Variants in TMC1 observed in about 807,000 individuals in gnomAD.
The protein encoded by TMC1 is transmembrane channel-like protein 1.
TMC1 carries 84 observed loss-of-function variants against 105.8 expected under a neutral mutation model. The ratio of observed to expected loss-of-function variants is 0.79; its 90% CI spans 0.67 to 0.95. TMC1 has a LOEUF of 0.95. Ranked by LOEUF, TMC1 falls within the 40% of genes least tolerant of loss-of-function variation. The pLI, the probability that TMC1 is intolerant of heterozygous loss-of-function variation, is 0.00. For missense variants in TMC1, 817 were observed against 914.1 expected (o/e 0.89, Z 1.37); for synonymous variants, 315 against 311.5 (o/e 1.01, Z -0.12).
At chr9:72,614,687 T>C (rs945482959) in intron 2 of TMC1, among the ~76,000 whole-genome samples, 1 of 152,192 alleles carries the variant, frequency 6.6e-6, no homozygotes, top group African/African-American at 2.4e-5. Context: ...GATAACTTTT[T>C]CTTCCCCCTT....
In TMC1 at chr9:72,816,651, A is replaced by G. The variant is rs572685637; in HGVS notation, c.1763+441A>G. On this transcript the variant is annotated intron_variant, in intron 19 of 23. Coordinates refer to ENST00000297784, the MANE Select transcript of TMC1 (RefSeq NM_138691.3). ...TAGCTACTTTTAAAAATAATACCTT[A>G]TCAAATCCAATAGTTTATCGAGATG... 2.0e-5 allele frequency among the ~76,000 whole-genome samples: 3 copies of G among 152,332 alleles called. No individual in the cohort carries two copies. In the East Asian group the frequency reaches 5.8e-4, roughly 29 times the overall value.
rs1827946878 is a variant in TMC1, at chr9:72,772,538, T to TCAATACG, written c.868_869insAATACGC (p.Leu290GlnfsTer15). The TCAATACG allele has an allele frequency of 1.9e-6, 3 of 1,613,790 alleles. No individual in the cohort carries two copies. The highest frequency in any genetic ancestry group is 2.5e-6 in the Non-Finnish European group (3 of 1,179,818). On this transcript the variant is annotated frameshift_variant, in exon 13 of 24. Transcript: ENST00000297784. LOFTEE classifies it high-confidence loss of function. ...GGATTATGTGCATTGGATACAGCTT[T>TCAATACG]CTGGTTGTCCTCAAAGCGTAAGTTT...
At chr9:72,574,670 A>T (rs1216802336) in intron 1 of TMC1, among the ~76,000 whole-genome samples, 1 of 152,248 alleles carries the variant, frequency 6.6e-6, no homozygotes, top group Non-Finnish European at 1.5e-5. Context: ...CTTAAGGTCG[A>T]TAATGGTTAC....
At chr9:72,662,754 A>G (rs1227763916) in intron 5 of TMC1, among the ~76,000 whole-genome samples, 1 of 152,242 alleles carries the variant, frequency 6.6e-6, no homozygotes, top group African/African-American at 2.4e-5. Context: ...TATCTTAGCC[A>G]TAAAACACTT....
chr9:72,633,557 C>T (rs1825484022), intron 4 of TMC1, among the ~76,000 whole-genome samples: 1 of 152,100 alleles, frequency 6.6e-6, no homozygotes, highest in African/African-American at 2.4e-5. Context: ...TTGATTTTGA[C>T]CTTAATTTTC....
chr9:72,698,072 G>A (rs1334016260), intron 7 of TMC1, among the ~76,000 whole-genome samples: 1 of 151,778 alleles, frequency 6.6e-6, no homozygotes, highest in Admixed American at 6.6e-5. Flanking sequence ...TATAGATAGA[G>A]TAAAAAAAAT....
At chr9:72,760,054 A>G (rs990367813) in intron 12 of TMC1, among the ~76,000 whole-genome samples, 2 of 151,946 alleles carry the variant, frequency 1.3e-5, no homozygotes, top group Admixed American at 6.6e-5. Context: ...GAGAGCTTTC[A>G]TGTTTTTTTT....
intron 8 of TMC1, among the ~76,000 whole-genome samples, chr9:72,714,278 G>T (rs968453664): frequency 6.1e-4 from 93 of 152,280 alleles, no homozygotes; most frequent in African/African-American, 2.2e-3. Flanking sequence ...TATCCATTAG[G>T]TCTGCTTGGC....
chr9:72,789,678 C>G (rs535979294), intron 15 of TMC1, among the ~76,000 whole-genome samples: 13 of 152,194 alleles, frequency 8.5e-5, no homozygotes, highest in Non-Finnish European at 1.9e-4. Context: ...ATCTTGACTT[C>G]GAGTCCAAGG....
At chr9:72,803,672 C>T (rs1158319020) in intron 17 of TMC1, among the ~76,000 whole-genome samples, 2 of 152,098 alleles carry the variant, frequency 1.3e-5, no homozygotes, top group Non-Finnish European at 2.9e-5. Flanking sequence ...CAAATCAAAA[C>T]CACAATGAGA....
chr9:72,660,550 A>G (rs1334268257), intron 5 of TMC1, among the ~76,000 whole-genome samples: 1 of 152,168 alleles, frequency 6.6e-6, no homozygotes, highest in Non-Finnish European at 1.5e-5. Context: ...AGCATTCCAG[A>G]GTTTCTCAGA....
intron 10 of TMC1, among the ~76,000 whole-genome samples, chr9:72,750,346 A>G (rs1417669913): frequency 6.6e-6 from 1 of 152,224 alleles, no homozygotes; most frequent in Non-Finnish European, 1.5e-5. Flanking sequence ...GGGCTGATGC[A>G]GCCAGGGACT....
chr9:72,696,425 G>T (rs1470918627), intron 7 of TMC1, among the ~76,000 whole-genome samples: 1 of 152,130 alleles, frequency 6.6e-6, no homozygotes, highest in African/African-American at 2.4e-5. Context: ...TGTGATTATT[G>T]ATAGTTCTGT....
intron 7 of TMC1, among the ~76,000 whole-genome samples, chr9:72,698,700 T>C (rs924592718): frequency 2.0e-5 from 3 of 151,976 alleles, no homozygotes; most frequent in Admixed American, 6.6e-5. Flanking sequence ...GGAGGAACAA[T>C]GGAAAGGGTT....
chr9:72,630,467 T>G (rs954650106), intron 4 of TMC1, among the ~76,000 whole-genome samples: 2 of 152,238 alleles, frequency 1.3e-5, no homozygotes, highest in African/African-American at 4.8e-5. Context: ...TTTGGTACTT[T>G]ATAATAGGAA....
chr9:72,773,302 C>A (rs935378356), intron 13 of TMC1, among the ~76,000 whole-genome samples: 3 of 152,054 alleles, frequency 2.0e-5, no homozygotes, highest in Non-Finnish European at 4.4e-5. Flanking sequence ...GGTTGCCATT[C>A]TTTTATTTGA....
At chr9:72,626,993 G>T (rs576695235) in intron 3 of TMC1, among the ~76,000 whole-genome samples, 1 of 150,502 alleles carries the variant, frequency 6.6e-6, no homozygotes, top group Non-Finnish European at 1.5e-5. Context: ...TACTTTAACC[G>T]GTAGTTTTGA....
intron 5 of TMC1, among the ~76,000 whole-genome samples, chr9:72,685,162 A>G (rs1319462725): frequency 1.6e-5 from 2 of 128,384 alleles, no homozygotes; most frequent in South Asian, 2.4e-4. Flanking sequence ...GCCAGAGTGC[A>G]GTGGCGCTAT....
chr9:72,792,650 A>G (rs1162287543), intron 17 of TMC1, among the ~76,000 whole-genome samples: 1 of 152,222 alleles, frequency 6.6e-6, no homozygotes, highest in Non-Finnish European at 1.5e-5. Flanking sequence ...CACTCGATTT[A>G]GATACAGGCC....
Sources: allele counts gnomAD v4.1 joint callset (sites outside exome capture counted in the v4.1 genomes callset), GRCh38; gene constraint gnomAD v4.1.1; transcripts MANE v1.5; gene names NCBI Gene and HGNC (gene_info 2026-07-23, HGNC 2026-07-21).